CFTR: variants seen among roughly 807,000 people sequenced by gnomAD.
CFTR encodes the protein CF transmembrane conductance regulator.
A neutral mutation model predicts 171.6 loss-of-function variants in CFTR; 181 were observed. That is an observed-to-expected ratio of 1.05 (90% confidence interval 0.93 to 1.19). CFTR has a LOEUF of 1.19. Ranked by LOEUF, CFTR falls within the 50% of genes most tolerant of loss-of-function variation. The pLI is 0.00. For synonymous variants in CFTR, 583 were observed against 608.0 expected (o/e 0.96, Z 0.60); for missense variants, 1,968 against 1,734.7 (o/e 1.13, Z -2.39).
intron 11 of CFTR, among the ~76,000 whole-genome samples, chr7:117,573,204 TA>T (rs1449105622): frequency 2.6e-5 from 4 of 152,112 alleles, no homozygotes; most frequent in African/African-American, 9.7e-5. Flanking sequence ...TGTAAGCACT[TA>T]AAAAAATGAA....
At chr7:117,492,125 A>G (rs2283056) in intron 1 of CFTR, among the ~76,000 whole-genome samples, 35,826 of 151,882 alleles carry the variant, frequency 0.24, 4,511 homozygotes, top group East Asian at 0.42. Context: ...TGTCCACTAA[A>G]AATAGGATGA....
intron 22 of CFTR, 145 bp downstream of exon 22, chr7:117,627,915 G>A: frequency 1.2e-6 from 1 of 835,332 alleles, no homozygotes; most frequent in South Asian, 1.5e-5. Context: ...TTATTATATG[G>A]AGTCATTATT....
intron 15 of CFTR, among the ~76,000 whole-genome samples, chr7:117,595,550 TAA>T (rs1274253937): frequency 6.6e-6 from 1 of 151,642 alleles, no homozygotes; most frequent in African/African-American, 2.4e-5. Context: ...TAATAAATGT[TAA>T]GAGATTAAAA....
chr7:117,558,954 AC>A (rs1674497927), intron 10 of CFTR, among the ~76,000 whole-genome samples: 1 of 152,138 alleles, frequency 6.6e-6, no homozygotes, highest in African/African-American at 2.4e-5. Flanking sequence ...GTCCTTTTGT[AC>A]TATCATCTCT....
chr7:117,583,183 A>T (rs1447788686), intron 11 of CFTR, among the ~76,000 whole-genome samples: 2 of 152,124 alleles, frequency 1.3e-5, no homozygotes, highest in African/African-American at 4.8e-5. Context: ...TTTTTTAAAA[A>T]TTTAATTCAA....
intron 4 of CFTR, among the ~76,000 whole-genome samples, chr7:117,533,517 G>T (rs1006551068): frequency 5.3e-5 from 8 of 152,098 alleles, no homozygotes; most frequent in East Asian, 3.8e-4. Context: ...CAAGTACAGT[G>T]ATTTGCATTT....
rs528601962 is a variant in CFTR, at chr7:117,559,733, T to G, written c.1584+78T>G. 1.0e-5 allele frequency: 10 copies of G among 960,162 alleles called. No individual in the cohort carries two copies. The East Asian group carries it at 2.2e-4, about 21-fold the overall frequency. The allele number at this position is 960,162 out of a possible 1,614,324, so 59.5% of individuals were successfully genotyped here. A position where few individuals can be genotyped will look rare whatever the true frequency, so the allele number is the denominator to read the frequency against. On this transcript the variant is annotated intron_variant, in intron 11 of 26. Transcript: ENST00000003084. ...CCCAAATTATATATTTGGCTCCATA[T>G]TCAATCGGTTAGTCTACATATATTT... is the stretch of plus-strand genomic sequence containing the variant.
intron 8 of CFTR, 86 bp downstream of exon 8, chr7:117,540,432 G>A (rs1302191272): frequency 8.7e-6 from 11 of 1,262,182 alleles, no homozygotes; most frequent in African/African-American, 3.0e-5. Context: ...AAAAATGTGC[G>A]AAAAGATAGA....
chr7:117,562,025 A>G (rs558698951), intron 11 of CFTR, among the ~76,000 whole-genome samples: 1 of 152,318 alleles, frequency 6.6e-6, no homozygotes, highest in Admixed American at 6.5e-5. Context: ...ATTAATGAGT[A>G]AATGGTCACT....
chr7:117,660,584 C>T (rs763545716), intron 24 of CFTR, among the ~76,000 whole-genome samples: 80 of 151,870 alleles, frequency 5.3e-4, no homozygotes, highest in Middle Eastern at 3.4e-3. Flanking sequence ...GAGCCCAGAT[C>T]GCACCACTGC....
chr7:117,667,156 C>A lies in CFTR; in HGVS notation c.*48C>A. The A allele has an allele frequency of 1.3e-6, 2 of 1,532,170 alleles. No individual in the cohort carries two copies. The highest frequency in any genetic ancestry group is 1.8e-6 in the Non-Finnish European group (2 of 1,110,086). 94.9% of individuals were successfully genotyped at this position (1,532,170 alleles called of 1,614,324 possible). On this transcript the variant is annotated 3_prime_UTR_variant, in exon 27 of 27. Transcript: ENST00000003084. Reference sequence around the variant, plus strand: ...GGGACATTTGCTCATGGAATTGGAGCTCGTGGGACAGTCACCTCATGGAAT... The same window carrying A: ...GGGACATTTGCTCATGGAATTGGAGATCGTGGGACAGTCACCTCATGGAAT...
intron 23 of CFTR, among the ~76,000 whole-genome samples, chr7:117,648,253 T>C (rs1399816149): frequency 2.0e-5 from 3 of 151,976 alleles, no homozygotes; most frequent in Non-Finnish European, 2.9e-5. Context: ...TTCCCACTTA[T>C]GTAATTTATA....
At chr7:117,630,976 G>C (rs1792735178) in intron 22 of CFTR, among the ~76,000 whole-genome samples, 1 of 152,058 alleles carries the variant, frequency 6.6e-6, no homozygotes, top group Non-Finnish European at 1.5e-5. Context: ...GAGCAAGATA[G>C]ATAAGAGATT....
At position 117,610,591 on chromosome 7, in the gene CFTR, C is replaced by A. The variant is rs397508491; in HGVS notation, c.3061C>A (p.Pro1021Thr). The A allele has an allele frequency of 3.1e-6, 5 of 1,613,254 alleles. No homozygotes were observed. The South Asian group carries it at 5.5e-5, about 18-fold the overall frequency. Residue 1021 changes from proline (P) to threonine (T), a missense_variant, in exon 19 of 27, where the codon CCA becomes ACA. Coordinates refer to ENST00000003084, the MANE Select transcript of CFTR (RefSeq NM_000492.4). The part of the protein sequence containing the change: ...LQPYIFVATV[P>T]VIVAFIMLRA... ...ACCCTACATCTTTGTTGCAACAGTG[C>A]CAGTGATAGTGGCTTTTATTATGTT...
chr7:117,516,171 A>G (rs1798593588), intron 3 of CFTR, among the ~76,000 whole-genome samples: 1 of 152,228 alleles, frequency 6.6e-6, no homozygotes, highest in Admixed American at 6.5e-5. Context: ...TGAATATGAC[A>G]TGGTGAAACA....
At chr7:117,662,242 C>T (rs549983689) in intron 24 of CFTR, among the ~76,000 whole-genome samples, 1 of 152,186 alleles carries the variant, frequency 6.6e-6, no homozygotes, top group East Asian at 1.9e-4. Flanking sequence ...TGTTTGGCCA[C>T]CCACATTCTA....
intron 21 of CFTR, among the ~76,000 whole-genome samples, chr7:117,625,936 A>G (rs1037005600): frequency 1.3e-5 from 2 of 152,176 alleles, no homozygotes; most frequent in Non-Finnish European, 2.9e-5. Flanking sequence ...CTCATAATTC[A>G]GAATTTAAAA....
At chr7:117,520,341 T>C (rs1445904927) in intron 3 of CFTR, among the ~76,000 whole-genome samples, 2 of 151,668 alleles carry the variant, frequency 1.3e-5, no homozygotes, top group Admixed American at 6.6e-5. Flanking sequence ...TCTTTTTCTT[T>C]GTTTTCTGCT....
intron 14 of CFTR, among the ~76,000 whole-genome samples, chr7:117,592,914 A>G (rs931295863): frequency 3.9e-5 from 6 of 152,236 alleles, no homozygotes; most frequent in African/African-American, 1.2e-4. Flanking sequence ...TAAGCCAGTG[A>G]TAACTGTGAC....
Sources: allele counts gnomAD v4.1 joint callset (sites outside exome capture counted in the v4.1 genomes callset), GRCh38; gene constraint gnomAD v4.1.1; transcripts MANE v1.5; gene names NCBI Gene and HGNC (gene_info 2026-07-23, HGNC 2026-07-21).